KCTD8: variants seen among roughly 807,000 people sequenced by gnomAD.
KCTD8 encodes the protein potassium channel tetramerization domain containing 8, also known as BTB/POZ domain-containing protein KCTD8.
Under a neutral mutation model 31.5 loss-of-function variants are expected in KCTD8, and 27 were observed. That is an observed-to-expected ratio of 0.86 (90% confidence interval 0.63 to 1.18). The LOEUF (loss-of-function observed/expected upper bound fraction) is 1.18, where lower values mean the gene tolerates loss of function less well. KCTD8 is among the 50% of genes most tolerant of loss of function. The pLI is 0.00. For synonymous variants in KCTD8, 290 were observed against 280.0 expected (o/e 1.04, Z -0.36); for missense variants, 658 against 647.7 (o/e 1.02, Z -0.17).
intron 1 of KCTD8, among the ~76,000 whole-genome samples, chr4:44,280,762 G>GATAAA (rs1158819100): frequency 6.6e-6 from 1 of 152,026 alleles, no homozygotes; most frequent in African/African-American, 2.4e-5. Flanking sequence ...GGCAAAGCTA[G>GATAAA]ATAAAATTCT....
intron 1 of KCTD8, among the ~76,000 whole-genome samples, chr4:44,335,922 G>A (rs945173301): frequency 1.3e-5 from 2 of 151,322 alleles, no homozygotes; most frequent in Admixed American, 6.6e-5. Context: ...AGGCCGAGGC[G>A]GGCGGATCAC....
intron 1 of KCTD8, among the ~76,000 whole-genome samples, chr4:44,347,338 C>A (rs188487622): frequency 6.6e-6 from 1 of 152,212 alleles, no homozygotes; most frequent in East Asian, 1.9e-4. Context: ...GGCAGTTCTT[C>A]AATATTACCA....
At chr4:44,325,806 C>T (rs1180365626) in intron 1 of KCTD8, among the ~76,000 whole-genome samples, 7 of 151,840 alleles carry the variant, frequency 4.6e-5, no homozygotes, top group Admixed American at 1.3e-4. Flanking sequence ...AGGGGTATCC[C>T]TATCTCCTTA....
At chr4:44,426,628 A>G (rs1157701350) in intron 1 of KCTD8, among the ~76,000 whole-genome samples, 1 of 151,760 alleles carries the variant, frequency 6.6e-6, no homozygotes, top group African/African-American at 2.4e-5. Context: ...TTTCTGGAAA[A>G]ATATAAAAAT....
At chr4:44,238,600 A>AT (rs1158682232) in intron 1 of KCTD8, among the ~76,000 whole-genome samples, 1 of 152,178 alleles carries the variant, frequency 6.6e-6, no homozygotes, top group African/African-American at 2.4e-5. Context: ...GACTAAATAG[A>AT]TTTTATCGGT....
chr4:44,366,964 T>C (rs1461741313), intron 1 of KCTD8, among the ~76,000 whole-genome samples: 1 of 152,160 alleles, frequency 6.6e-6, no homozygotes, highest in African/African-American at 2.4e-5. Flanking sequence ...ATGGTAAAGA[T>C]AAAATGTTTT....
rs1225209478 is a variant in KCTD8 at position 44,448,095 on chromosome 4, G to A, written c.429C>T (p.Val143=). Residue 143 remains valine (V), a synonymous_variant, in exon 1 of 2, where the codon GTC becomes GTT. Transcript: ENST00000360029. The surrounding 1 kb of genome is among the most constrained non-coding windows in gnomAD (Gnocchi z 4.1). Reference sequence around the variant, plus strand: ...TGGTGACCTTGGGCGACAGCAGCTTGACCAAGTCGGTGAGCTGGAAATACT... The same window carrying A: ...TGGTGACCTTGGGCGACAGCAGCTTAACCAAGTCGGTGAGCTGGAAATACT... ...EAEYFQLTDL[V]KLLSPKVTKQ... The A allele has an allele frequency of 1.9e-6, 3 of 1,612,676 alleles. No individual in the cohort carries two copies. The highest frequency in any genetic ancestry group is 3.3e-4 in the Middle Eastern group (2 of 6,062).
intron 1 of KCTD8, among the ~76,000 whole-genome samples, chr4:44,213,389 T>A (rs1010644747): frequency 6.6e-6 from 1 of 152,186 alleles, no homozygotes; most frequent in African/African-American, 2.4e-5. Flanking sequence ...TTAGGAAAGG[T>A]TATGCCACAT....
chr4:44,239,653 T>A (rs533280559), intron 1 of KCTD8, among the ~76,000 whole-genome samples: 2 of 152,238 alleles, frequency 1.3e-5, no homozygotes, highest in Admixed American at 6.5e-5. Flanking sequence ...AGAGAAAAAA[T>A]CCCTACCCAT....
At chr4:44,429,027 C>T (rs1721410238) in intron 1 of KCTD8, among the ~76,000 whole-genome samples, 1 of 151,626 alleles carries the variant, frequency 6.6e-6, no homozygotes, top group Admixed American at 6.6e-5. Context: ...GTGATGAGAT[C>T]TCTGGGTGGC....
intron 1 of KCTD8, among the ~76,000 whole-genome samples, chr4:44,284,803 TGGGCAAAGGTTATGA>T (rs1717007072): frequency 6.6e-6 from 1 of 152,122 alleles, no homozygotes; most frequent in African/African-American, 2.4e-5. Flanking sequence ...CATCAAAAAA[TGGGCAAAGGTTATGA>T]ACAGACACTT....
chr4:44,221,421 G>C (rs1714804909), intron 1 of KCTD8, among the ~76,000 whole-genome samples: 1 of 151,996 alleles, frequency 6.6e-6, no homozygotes, highest in South Asian at 2.1e-4. Context: ...GTTCTCTAGA[G>C]GGACGGGACT....
chr4:44,335,957 T>C (rs62304851), intron 1 of KCTD8, among the ~76,000 whole-genome samples: 40 of 151,376 alleles, frequency 2.6e-4, no homozygotes, highest in East Asian at 7.8e-4. Context: ...GAGACCATCC[T>C]GGCTAAAACG....
At chr4:44,256,368 G>GAT (rs1715992225) in intron 1 of KCTD8, among the ~76,000 whole-genome samples, 1 of 151,858 alleles carries the variant, frequency 6.6e-6, no homozygotes, top group South Asian at 2.1e-4. Context: ...ATTTGTATTT[G>GAT]ATATATACAT....
At position 44,447,936 on chromosome 4, in the gene KCTD8, G is replaced by A. The variant is rs1379619339; in HGVS notation, c.588C>T (p.Gly196=). The change falls in exon 1 of 2, where the codon GGC becomes GGT. Residue 196 remains glycine, a synonymous_variant. Coordinates refer to ENST00000360029, the MANE Select transcript of KCTD8 (RefSeq NM_198353.3). ...VPSGPGAHGG[G]GGGGAQDKRS... Reference sequence around the variant, plus strand: ...GCTTGTCCTGCGCGCCGCCGCCGCCGCCACCACCGTGCGCTCCCGGGCCCG... The same window carrying A: ...GCTTGTCCTGCGCGCCGCCGCCGCCACCACCACCGTGCGCTCCCGGGCCCG... 51 of 1,446,496 alleles carry A rather than the reference G, an allele frequency of 3.5e-5. No homozygotes were observed. Among genetic ancestry groups the A allele is most frequent in the Admixed American group, 2.4e-4 (9 of 37,390 alleles). The allele number at this position is 1,446,496 out of a possible 1,614,324, so 89.6% of individuals were successfully genotyped here.
intron 1 of KCTD8, among the ~76,000 whole-genome samples, chr4:44,389,762 T>C (rs1720319430): frequency 6.6e-6 from 1 of 151,942 alleles, no homozygotes; most frequent in Admixed American, 6.6e-5. Flanking sequence ...ACAATTAAAT[T>C]CTTTCAAAAA....
intron 1 of KCTD8, among the ~76,000 whole-genome samples, chr4:44,362,007 G>A (rs1425971925): frequency 2.0e-5 from 3 of 152,116 alleles, no homozygotes; most frequent in African/African-American, 7.2e-5. Flanking sequence ...ATTTAATCAG[G>A]AATCAGGGGA....
intron 1 of KCTD8, among the ~76,000 whole-genome samples, chr4:44,336,778 G>A (rs1718758169): frequency 6.6e-6 from 1 of 151,868 alleles, no homozygotes; most frequent in Admixed American, 6.6e-5. Flanking sequence ...AACAATAAAT[G>A]TATGATATCT....
intron 1 of KCTD8, among the ~76,000 whole-genome samples, chr4:44,351,935 G>T (rs925406977): frequency 4.6e-4 from 70 of 151,872 alleles, no homozygotes; most frequent in Non-Finnish European, 1.0e-4. Context: ...AGTCTAAAAA[G>T]AATAAAACAT....
Sources: allele counts gnomAD v4.1 joint callset (sites outside exome capture counted in the v4.1 genomes callset), GRCh38; gene constraint gnomAD v4.1.1; non-coding constraint Gnocchi (gnomAD v3.1); transcripts MANE v1.5; gene names NCBI Gene and HGNC (gene_info 2026-07-23, HGNC 2026-07-21).